The following CELF2 variants were observed in gnomAD, a reference collection of about 807,000 sequenced individuals.
CELF2 encodes the protein CUGBP Elav-like family member 2, also known as CUG triplet repeat RNA-binding protein 2.
A neutral mutation model predicts 62.6 loss-of-function variants in CELF2; 8 were observed. The observed-to-expected ratio is 0.13, with a 90% CI of 0.07 to 0.23. CELF2 has a LOEUF of 0.23. Ranked by LOEUF, CELF2 falls within the 10% of genes least tolerant of loss-of-function variation. The pLI is 1.00. For synonymous variants in CELF2, 258 were observed against 250.0 expected (o/e 1.03, Z -0.30); for missense variants, 333 against 671.0 (o/e 0.50, Z 5.56).
At chr10:10,750,526 A>T in the CELF2 span, among the ~76,000 whole-genome samples, 1 of 152,260 alleles carries the variant, frequency 6.6e-6, no homozygotes, top group Admixed American at 6.5e-5. Flanking sequence ...TTTAAGAAAG[A>T]CAACTGAAGA....
rs79221544 is a variant in CELF2 at position 11,296,591 on chromosome 10, G to C, written c.976+8039G>C. On this transcript the variant is annotated intron_variant, in intron 9 of 12. Coordinates refer to ENST00000633077, the MANE Select transcript of CELF2 (RefSeq NM_001326342.2). This position sits in a 1 kb window ranked among gnomAD's most constrained non-coding sequence, Gnocchi z 5.0. The stretch of plus-strand genomic sequence containing the variant: ...CTGTAAGTTCCATTTCTTCAGACTT[G>C]AAAGCAATAAAATGGAAATTTTTAG... Among the ~76,000 whole-genome samples the C allele has an allele frequency of 0.015, 2,218 of 152,236 alleles. 45 individuals carry two copies. The highest frequency in any genetic ancestry group is 0.05 in the African/African-American group (2,086 of 41,538).
intron 1 of CELF2, among the ~76,000 whole-genome samples, chr10:10,874,652 A>G (rs1255514357): frequency 1.3e-5 from 2 of 152,192 alleles, no homozygotes; most frequent in Admixed American, 1.3e-4. Flanking sequence ...ATTTCATAAT[A>G]TATGTTGATG....
chr10:10,569,406 G>T, the CELF2 span, among the ~76,000 whole-genome samples: 5 of 152,110 alleles, frequency 3.3e-5, no homozygotes, highest in African/African-American at 1.2e-4. Context: ...CACGAGAAAA[G>T]TATGGAGGAA....
the CELF2 span, among the ~76,000 whole-genome samples, chr10:10,700,447 C>T: frequency 9.3e-3 from 1,413 of 152,252 alleles, 8 homozygotes; most frequent in East Asian, 0.019. Context: ...CTAGATATTG[C>T]AGTTTTAAAA....
the CELF2 span, among the ~76,000 whole-genome samples, chr10:10,591,262 AT>A: frequency 1.3e-5 from 2 of 152,298 alleles, no homozygotes; most frequent in African/African-American, 2.4e-5. Context: ...ATCAAAAATG[AT>A]TTTTTAATGA....
chr10:10,780,484 TTTG>T, the CELF2 span, among the ~76,000 whole-genome samples: 2 of 151,020 alleles, frequency 1.3e-5, no homozygotes, highest in South Asian at 4.2e-4. Context: ...TGTTTGTTTG[TTTG>T]TTTGTTTGTT....
chr10:11,021,278 A>AT (rs1347262468), intron 1 of CELF2, among the ~76,000 whole-genome samples: 1 of 152,122 alleles, frequency 6.6e-6, no homozygotes, highest in Non-Finnish European at 1.5e-5. Context: ...TTAAAAATAA[A>AT]TTTTTTTTAC....
the CELF2 span, among the ~76,000 whole-genome samples, chr10:10,616,880 G>A: frequency 6.6e-6 from 1 of 151,420 alleles, no homozygotes; most frequent in African/African-American, 2.4e-5. Context: ...GCACCATTAC[G>A]CATGTAGCTG....
In CELF2 at chr10:11,227,178, C is replaced by G. The variant is rs2066923051; in HGVS notation, c.354+9671C>G. ...CCTCAACCTGCCTGCCATCATCACA[C>G]CCTCCTGCCCTGAAAACTCCTGGAG... On this transcript the variant is annotated intron_variant, in intron 3 of 12. Transcript: ENST00000633077. The surrounding 1 kb of genome is among the most constrained non-coding windows in gnomAD (Gnocchi z 4.8). Among the ~76,000 whole-genome samples, 1 of 152,222 alleles carries G rather than the reference C, an allele frequency of 6.6e-6. No homozygotes were observed. Among genetic ancestry groups the G allele is most frequent in the Non-Finnish European group, 1.5e-5 (1 of 68,046 alleles).
intron 1 of CELF2, among the ~76,000 whole-genome samples, chr10:11,160,120 C>T (rs2065369004): frequency 1.3e-5 from 2 of 152,234 alleles, no homozygotes; most frequent in African/African-American, 4.8e-5. Flanking sequence ...TTTCAGGCAG[C>T]TGGTTATATT....
At chr10:10,679,180 GTATGA>G in the CELF2 span, among the ~76,000 whole-genome samples, 1 of 152,196 alleles carries the variant, frequency 6.6e-6, no homozygotes, top group Non-Finnish European at 1.5e-5. Context: ...AGATGGTGCA[GTATGA>G]TATATCTCCA....
rs1036550769 is a variant in CELF2 at position 11,315,839 on chromosome 10, G to T, written c.1096+1581G>T. On this transcript the variant is annotated intron_variant, in intron 10 of 12. Coordinates refer to ENST00000633077, the MANE Select transcript of CELF2 (RefSeq NM_001326342.2). The surrounding 1 kb of genome is among the most constrained non-coding windows in gnomAD (Gnocchi z 5.8). ...CTTGTCCTTCACCTAGGTCGAGGAC[G>T]CGTGTGCTCGCACACATCCCCTCAT... Among the ~76,000 whole-genome samples the T allele has an allele frequency of 3.2e-4, 49 of 152,218 alleles. No homozygotes were observed. The highest frequency in any genetic ancestry group is 2.7e-3 in the Admixed American group (41 of 15,284).
the CELF2 span, among the ~76,000 whole-genome samples, chr10:10,767,580 G>A: frequency 6.6e-6 from 1 of 152,144 alleles, no homozygotes; most frequent in Admixed American, 6.5e-5. Context: ...GAGGGTGTTG[G>A]TAAACAGACC....
At chr10:10,785,899 G>C in the CELF2 span, among the ~76,000 whole-genome samples, 16 of 152,140 alleles carry the variant, frequency 1.1e-4, no homozygotes, top group Non-Finnish European at 5.9e-5. Flanking sequence ...CACCACAAAA[G>C]AATGCAAAGT....
At chr10:10,635,298 C>T in the CELF2 span, among the ~76,000 whole-genome samples, 13 of 152,194 alleles carry the variant, frequency 8.5e-5, no homozygotes, top group South Asian at 2.7e-3. Context: ...AAAATCATCT[C>T]ACTTCCTGCA....
At chr10:10,570,714 A>G in the CELF2 span, among the ~76,000 whole-genome samples, 1 of 152,146 alleles carries the variant, frequency 6.6e-6, no homozygotes, top group African/African-American at 2.4e-5. Flanking sequence ...AAGTGGGAAG[A>G]TAGTACTGAG....
At chr10:11,136,714 T>G (rs2060493369) in intron 1 of CELF2, among the ~76,000 whole-genome samples, 1 of 152,244 alleles carries the variant, frequency 6.6e-6, no homozygotes, top group African/African-American at 2.4e-5. Flanking sequence ...ATAACAGTGT[T>G]CCGGCTGTCA....
At chr10:10,900,136 A>G (rs993007455) in intron 1 of CELF2, among the ~76,000 whole-genome samples, 1 of 152,216 alleles carries the variant, frequency 6.6e-6, no homozygotes, top group Non-Finnish European at 1.5e-5. Flanking sequence ...TCACTGATAA[A>G]TTCTACCAAA....
At chr10:10,655,142 C>T in the CELF2 span, among the ~76,000 whole-genome samples, 7 of 149,742 alleles carry the variant, frequency 4.7e-5, no homozygotes, top group African/African-American at 1.7e-4. Context: ...GAATAAAATA[C>T]TTAGGAATCC....
Sources: gnomAD v4.1 joint callset for allele counts (sites outside exome capture counted in the v4.1 genomes callset) on GRCh38, gnomAD v4.1.1 for gene constraint, Gnocchi (gnomAD v3.1) non-coding constraint, MANE v1.5 for transcripts, NCBI Gene and HGNC (gene_info 2026-07-23, HGNC 2026-07-21) for gene names.